Variants in HAUS7 observed in about 807,000 individuals in gnomAD.
HAUS7 encodes HAUS augmin like complex subunit 7, also known as HAUS augmin-like complex subunit 7.
A neutral mutation model predicts 28.4 loss-of-function variants in HAUS7; 3 were observed. The ratio of observed to expected loss-of-function variants is 0.11; its 90% CI spans 0.05 to 0.27. HAUS7 has a LOEUF of 0.27. HAUS7 is among the 10% of genes least tolerant of loss of function. The pLI is 1.00. For missense variants in HAUS7, 284 were observed against 297.3 expected (o/e 0.96, Z 0.33); for synonymous variants, 165 against 132.1 (o/e 1.25, Z -1.71).
chrX:153,449,652 T>C (rs781890939), intron 9 of HAUS7, among the ~76,000 whole-genome samples: 6 of 112,344 alleles, frequency 5.3e-5, no homozygotes, highest in Non-Finnish European at 9.4e-5. Flanking sequence ...CTGTCTCTCT[T>C]GAAGCTTTGG....
chrX:153,448,210 G>A (rs1183137940), intron 9 of HAUS7, among the ~76,000 whole-genome samples: 3 of 110,517 alleles, frequency 2.7e-5, no homozygotes, highest in Non-Finnish European at 5.7e-5. Flanking sequence ...ATACTACGCG[G>A]CCCATAAAAA....
chrX:153,447,815 T>C lies in HAUS7; in HGVS notation c.*63A>G, dbSNP rs782436775. The C allele has an allele frequency of 7.3e-6, 7 of 958,973 alleles. No individual in the cohort carries two copies. The East Asian group carries it at 2.1e-4, about 29-fold the overall frequency. 79.0% of individuals were successfully genotyped at this position (958,973 alleles called of 1,213,427 possible). A position where few individuals can be genotyped will look rare whatever the true frequency, so the allele number is the denominator to read the frequency against. Reference sequence around the variant, plus strand: ...TCATCCATCCTCGGCCAACTCGATCTTGGGAGAGGGCTTCCTGCCCGCCCC... The same window carrying C: ...TCATCCATCCTCGGCCAACTCGATCCTGGGAGAGGGCTTCCTGCCCGCCCC... On this transcript the variant is annotated 3_prime_UTR_variant, in exon 10 of 10. Transcript: ENST00000370211.
rs782397002 is a variant in HAUS7 at position 153,454,407 on chromosome X, G to A, written c.1032C>T (p.Ser344=). ...GCAGCCACGTACCTAGACTCATGAC[G>A]GAGCTGCTGCCACCCCAGCAGATCT... ...GEQICWGGSS[S]VMSLATKMNE... The change falls in exon 9 of 10, where the codon TCC becomes TCT. Residue 344 remains serine, a synonymous_variant. Coordinates refer to ENST00000370211, the MANE Select transcript of HAUS7 (RefSeq NM_001385482.1). 3.1e-5 allele frequency: 37 copies of A among 1,174,787 alleles called. No homozygotes were observed. The highest frequency in any genetic ancestry group is 2.3e-4 in the Middle Eastern group (1 of 4,257).
Position 153,454,402 on chromosome X carries a change from A to G in HAUS7, c.1037T>C (p.Met346Thr), listed in dbSNP as rs374148539. ...GGTGGGCAGCCACGTACCTAGACTC[A>G]TGACGGAGCTGCTGCCACCCCAGCA... ...QICWGGSSSVMSLATKMNELM... is the reference protein window; with the variant it reads ...QICWGGSSSVTSLATKMNELM... Residue 346 changes from methionine (M) to threonine (T), a missense_variant, in exon 9 of 10, where the codon ATG (methionine) becomes ACG (threonine). Transcript: ENST00000370211. 4.3e-6 allele frequency: 5 copies of G among 1,165,401 alleles called. No individual in the cohort carries two copies. Among genetic ancestry groups the G allele is most frequent in the Admixed American group, 4.4e-5 (2 of 45,545 alleles).
chrX:153,448,310 C>T (rs1429088820), intron 9 of HAUS7, among the ~76,000 whole-genome samples: 2 of 102,305 alleles, frequency 2.0e-5, no homozygotes, highest in Non-Finnish European at 3.9e-5. Flanking sequence ...AACCAAACAC[C>T]GCATGTTCTC....
At chrX:153,486,501 C>A in intron 1 of HAUS7, 1 of 505,993 alleles carries the variant, frequency 2.0e-6, no homozygotes. Context: ...CACTCCTCCA[C>A]AGTTCCGATT....
Position 153,459,405 on chromosome X carries a change from G to A in HAUS7, c.355-2177C>T, listed in dbSNP as rs149385130. Among the ~76,000 whole-genome samples the A allele has an allele frequency of 4.9e-3, 551 of 112,174 alleles. 3 individuals are homozygous for A. Among genetic ancestry groups the A allele is most frequent in the African/African-American group, 0.017 (530 of 30,829 alleles). The stretch of plus-strand genomic sequence containing the variant: ...GACCAAAGTGTTTCATTTTAATGAA[G>A]TCCAATTGATCTGTTTTTTCTTTTG... On this transcript the variant is annotated intron_variant, in intron 4 of 9. Coordinates refer to ENST00000370211, the MANE Select transcript of HAUS7 (RefSeq NM_001385482.1).
intron 1 of HAUS7, chrX:153,485,844 G>GCCTGACCTCAGGCC (rs1336685993): frequency 1.1e-6 from 1 of 904,008 alleles, no homozygotes; most frequent in Non-Finnish European, 1.4e-6. Flanking sequence ...GGCCTGAGGC[G>GCCTGACCTCAGGCC]CCTGACGCTG....
chrX:153,492,915 C>T (rs781945054), intron 1 of HAUS7, among the ~76,000 whole-genome samples: 2 of 111,951 alleles, frequency 1.8e-5, no homozygotes, highest in African/African-American at 3.2e-5. Context: ...CCCTGAGTGA[C>T]AGCTCCTGGG....
chrX:153,448,756 G>A (rs1206795897), intron 9 of HAUS7, among the ~76,000 whole-genome samples: 3 of 111,475 alleles, frequency 2.7e-5, no homozygotes, highest in African/African-American at 9.8e-5. Context: ...CTCAGGCTCT[G>A]TGGGGACCAG....
intron 1 of HAUS7, among the ~76,000 whole-genome samples, chrX:153,489,821 C>T (rs1395846187): frequency 2.7e-5 from 3 of 112,478 alleles, no homozygotes; most frequent in Non-Finnish European, 5.6e-5. Flanking sequence ...GCCCACCCCT[C>T]GCCTTCGCCA....
At chrX:153,474,946 C>G (rs1230283369), upstream of HAUS7, among the ~76,000 whole-genome samples, 2 of 111,198 alleles carry the variant, frequency 1.8e-5, no homozygotes, top group Non-Finnish European at 3.8e-5. Context: ...TCACATGCGT[C>G]TGGAGCGGGA....
intron 2 of HAUS7, 51 bp from the exon 3 acceptor site, chrX:153,465,106 C>T (rs369287198): frequency 2.8e-5 from 24 of 857,589 alleles, no homozygotes; most frequent in African/African-American, 1.6e-4. Context: ...AGAGAATCCC[C>T]CTGGGCCCTC....
upstream of HAUS7, chrX:153,470,661 C>T: frequency 9.2e-7 from 1 of 1,086,883 alleles, no homozygotes; most frequent in Non-Finnish European, 1.2e-6. Flanking sequence ...CTGCGCCCAC[C>T]CCCTTCCCGA....
intron 2 of HAUS7, among the ~76,000 whole-genome samples, chrX:153,467,895 T>G (rs1487827953): frequency 8.9e-6 from 1 of 112,746 alleles, no homozygotes; most frequent in African/African-American, 3.2e-5. Flanking sequence ...CATTCTGCCC[T>G]GGGAACAGGA....
intron 1 of HAUS7, among the ~76,000 whole-genome samples, chrX:153,475,731 T>C (rs782624912): frequency 8.9e-6 from 1 of 112,677 alleles, no homozygotes; most frequent in Non-Finnish European, 1.9e-5. Flanking sequence ...AGAATGGGCC[T>C]GTTCCTTTTC....
intron 4 of HAUS7, among the ~76,000 whole-genome samples, chrX:153,461,097 G>A (rs1288343591): frequency 9.1e-6 from 1 of 110,203 alleles, no homozygotes; most frequent in African/African-American, 3.5e-5. Flanking sequence ...GCTGATGCTG[G>A]AAGGAACGGC....
rs2089320352 is a variant in HAUS7 at position 153,456,897 on chromosome X, G to A, written c.446+240C>T. 5 of 438,703 alleles carry A rather than the reference G, an allele frequency of 1.1e-5. No individual in the cohort carries two copies. The Admixed American group carries it at 2.0e-4, about 18-fold the overall frequency. The allele number at this position is 438,703 out of a possible 1,213,427, so 36.2% of individuals were successfully genotyped here. A position where few individuals can be genotyped will look rare whatever the true frequency, so the allele number is the denominator to read the frequency against. ...CTGTGCCTGGCCCGTCTGCTCTGAGGCCCACATCCCACCTTCATACTCACC... is the reference window on the plus strand; with the variant it reads ...CTGTGCCTGGCCCGTCTGCTCTGAGACCCACATCCCACCTTCATACTCACC... On this transcript the variant is annotated intron_variant, in intron 5 of 9. Transcript: ENST00000370211.
At chrX:153,465,123 C>T (rs1302869593) in intron 2 of HAUS7, 68 bp from the exon 3 acceptor site, 5 of 733,005 alleles carry the variant, frequency 6.8e-6, no homozygotes, top group East Asian at 6.5e-5. Context: ...CCTCTATACG[C>T]GCTGGAAGAA....
Sources: allele counts gnomAD v4.1 joint callset (sites outside exome capture counted in the v4.1 genomes callset), GRCh38; gene constraint gnomAD v4.1.1; transcripts MANE v1.5; gene names NCBI Gene and HGNC (gene_info 2026-07-23, HGNC 2026-07-21).